Variants in PCDHGB5 observed in about 807,000 individuals in gnomAD.
The protein encoded by PCDHGB5 is protocadherin gamma-B5.
A neutral mutation model predicts 62.9 loss-of-function variants in PCDHGB5; 48 were observed. The ratio of observed to expected loss-of-function variants is 0.76; its 90% CI spans 0.61 to 0.97. PCDHGB5 has a LOEUF of 0.97. Ranked by LOEUF, PCDHGB5 falls within the 50% of genes least tolerant of loss-of-function variation. The pLI, the probability that PCDHGB5 is intolerant of heterozygous loss-of-function variation, is 0.00. For synonymous variants in PCDHGB5, 474 were observed against 511.2 expected (o/e 0.93, Z 0.98); for missense variants, 1,118 against 1,198.6 (o/e 0.93, Z 0.99).
chr5:141,447,481 A>G lies in PCDHGB5; in HGVS notation c.2397+46957A>G, dbSNP rs141192758. 3.9e-3 allele frequency among the ~76,000 whole-genome samples: 591 copies of G among 152,326 alleles called. 6 individuals carry two copies. The highest frequency in any genetic ancestry group is 0.011 in the Admixed American group (170 of 15,286). ...TTTTCTTCACCATCTGTAAAACTGC[A>G]TAGAAGGAATGTTTAGGATAAAAGA... On this transcript the variant is annotated intron_variant, in intron 1 of 3. Transcript: ENST00000617380.
chr5:141,409,751 C>T, intron 1 of PCDHGB5: 1 of 1,613,000 alleles, frequency 6.2e-7, no homozygotes, highest in Non-Finnish European at 8.5e-7. Flanking sequence ...GGTGTTCGCG[C>T]AGCGCGCCTT....
At chr5:141,422,963 C>A (rs372620011) in intron 1 of PCDHGB5, 1 of 1,614,120 alleles carries the variant, frequency 6.2e-7, no homozygotes, top group Non-Finnish European at 8.5e-7. Flanking sequence ...GTGGAGCTGG[C>A]GCCCCGCTCT....
At position 141,486,891 on chromosome 5, in the gene PCDHGB5, G is replaced by C. The variant is rs201201426; in HGVS notation, c.2398-7916G>C. On this transcript the variant is annotated intron_variant, in intron 1 of 3. Transcript: ENST00000617380. This position sits in a 1 kb window ranked among gnomAD's most constrained non-coding sequence, Gnocchi z 5.0. ...GTGCTCCGTCCTCGGGCCCGGCCTGGTTCCTTATGTCCCCAAGCACTGCCT... is the reference window on the plus strand; with the variant it reads ...GTGCTCCGTCCTCGGGCCCGGCCTGCTTCCTTATGTCCCCAAGCACTGCCT... 14 of 1,614,118 alleles carry C rather than the reference G, an allele frequency of 8.7e-6. No homozygotes were observed. The highest frequency in any genetic ancestry group is 3.3e-5 in the Admixed American group (2 of 60,008).
At position 141,399,280 on chromosome 5, in the gene PCDHGB5, G is replaced by A. The variant is rs750453381; in HGVS notation, c.1153G>A (p.Glu385Lys). ...GGAGGTTAATTGTCAATTACAAGGCGAAGTCCCTTTTAAGATTATCTCTTC... is the reference window on the plus strand; with the variant it reads ...GGAGGTTAATTGTCAATTACAAGGCAAAGTCCCTTTTAAGATTATCTCTTC... ...NGEVNCQLQGEVPFKIISSSK... is the reference protein window; with the variant it reads ...NGEVNCQLQGKVPFKIISSSK... Residue 385 changes from glutamate (E) to lysine (K), a missense_variant, in exon 1 of 4, where the codon GAA becomes AAA. Coordinates refer to ENST00000617380, the MANE Select transcript of PCDHGB5 (RefSeq NM_018925.3). 20 of 1,613,836 alleles carry A rather than the reference G, an allele frequency of 1.2e-5. No homozygotes were observed. The highest frequency in any genetic ancestry group is 3.3e-4 in the Middle Eastern group (2 of 6,060).
intron 1 of PCDHGB5, chr5:141,430,861 A>C: frequency 6.3e-7 from 1 of 1,592,834 alleles, no homozygotes; most frequent in Middle Eastern, 1.7e-4. Flanking sequence ...TACGCTATTC[A>C]GTTCCGGAAG....
rs1364415249 is a variant in PCDHGB5 at position 141,489,240 on chromosome 5, C to A, written c.2398-5567C>A. The stretch of plus-strand genomic sequence containing the variant: ...ACTCTCCACAAAGGGACTTCTGGGT[C>A]ATGGGGCCCAAGACACTCCCACAGC... On this transcript the variant is annotated intron_variant, in intron 1 of 3. Coordinates refer to ENST00000617380, the MANE Select transcript of PCDHGB5 (RefSeq NM_018925.3). The surrounding 1 kb of genome is among the most constrained non-coding windows in gnomAD (Gnocchi z 4.5). 1 of 1,534,136 alleles carries A rather than the reference C, an allele frequency of 6.5e-7. No individual in the cohort carries two copies. Among genetic ancestry groups the A allele is most frequent in the South Asian group, 1.3e-5 (1 of 76,896 alleles).
At chr5:141,423,750 TGGGGGGGG>T in intron 1 of PCDHGB5, 1 of 287,524 alleles carries the variant, frequency 3.5e-6, no homozygotes, top group Non-Finnish European at 4.5e-6. Flanking sequence ...GAAAACTGTT[TGGGGGGGG>T]GGTGGGGCGG....
At position 141,424,003 on chromosome 5, in the gene PCDHGB5, T is replaced by C. The variant is rs150506228; in HGVS notation, c.2397+23479T>C. 5.3e-3 allele frequency: 5,614 copies of C among 1,067,752 alleles called. 27 individuals carry two copies. The highest frequency in any genetic ancestry group is 0.01 in the Admixed American group (195 of 19,092). 66.1% of individuals were successfully genotyped at this position (1,067,752 alleles called of 1,614,324 possible). A position where few individuals can be genotyped will look rare whatever the true frequency, so the allele number is the denominator to read the frequency against. ...AGGCTCTCAATTTATTATATATAGA[T>C]ACAAATTAATGATTCACAAACACTT... On this transcript the variant is annotated intron_variant, in intron 1 of 3. Transcript: ENST00000617380.
rs138831045 is a variant in PCDHGB5 at position 141,462,238 on chromosome 5, G to A, written c.2398-32569G>A. Among the ~76,000 whole-genome samples the A allele has an allele frequency of 2.9e-3, 441 of 152,288 alleles. 3 individuals carry two copies. Among genetic ancestry groups the A allele is most frequent in the African/African-American group, 9.9e-3 (412 of 41,566 alleles). On this transcript the variant is annotated intron_variant, in intron 1 of 3. Coordinates refer to ENST00000617380, the MANE Select transcript of PCDHGB5 (RefSeq NM_018925.3). ...GCCTCCCAAAGTGCAGGGATTACAG[G>A]TATGAGCCACCATGACCAGCCTAAA...
rs17097211 is a variant in PCDHGB5 at position 141,423,498 on chromosome 5, G to A, written c.2397+22974G>A. 9.4e-4 allele frequency: 1,510 copies of A among 1,613,948 alleles called. 9 individuals are homozygous for A. In the African/African-American group the frequency reaches 0.016, roughly 17 times the overall value. ...CTTTCCTGCAAACCTATTCCCACGA[G>A]GTCTCTCTCATTGCGGACTCGCAGA... On this transcript the variant is annotated intron_variant, in intron 1 of 3. Transcript: ENST00000617380.
chr5:141,487,196 G>A lies in PCDHGB5; in HGVS notation c.2398-7611G>A. On this transcript the variant is annotated intron_variant, in intron 1 of 3. Coordinates refer to ENST00000617380, the MANE Select transcript of PCDHGB5 (RefSeq NM_018925.3). This position sits in a 1 kb window ranked among gnomAD's most constrained non-coding sequence, Gnocchi z 5.0. Reference sequence around the variant, plus strand: ...GGAAGACACTCATCCAGTTGTCCCAGATCTTCGAGAATCTTCAGCTCCAAG... The same window carrying A: ...GGAAGACACTCATCCAGTTGTCCCAAATCTTCGAGAATCTTCAGCTCCAAG... The A allele has an allele frequency of 1.2e-6, 2 of 1,613,878 alleles. No homozygotes were observed. The highest frequency in any genetic ancestry group is 8.5e-7 in the Non-Finnish European group (1 of 1,179,796).
At chr5:141,414,342 C>A in intron 1 of PCDHGB5, 2 of 1,613,810 alleles carry the variant, frequency 1.2e-6, no homozygotes, top group East Asian at 2.2e-5. Flanking sequence ...TAACCTGTTC[C>A]ATTTTGGCGT....
chr5:141,429,573 T>G (rs1026656206), intron 1 of PCDHGB5, among the ~76,000 whole-genome samples: 3 of 152,206 alleles, frequency 2.0e-5, no homozygotes, highest in Non-Finnish European at 4.4e-5. Context: ...TCAGTTACAT[T>G]TACTTTTGAT....
rs191354649 is a variant in PCDHGB5 at position 141,510,446 on chromosome 5, C to T, written c.2546-501C>T. 8.9e-4 allele frequency among the ~76,000 whole-genome samples: 135 copies of T among 152,154 alleles called. 1 individual carries two copies. Among genetic ancestry groups the T allele is most frequent in the Non-Finnish European group, 1.7e-3 (114 of 68,010 alleles). On this transcript the variant is annotated intron_variant, in intron 3 of 3. Coordinates refer to ENST00000617380, the MANE Select transcript of PCDHGB5 (RefSeq NM_018925.3). ...TTTCATGGCTGCTGCCCTCCAGGAG[C>T]CCATGGTCTAGTGTGGGAGTCAGAG...
At chr5:141,459,938 C>T (rs373341229) in intron 1 of PCDHGB5, among the ~76,000 whole-genome samples, 4 of 152,148 alleles carry the variant, frequency 2.6e-5, no homozygotes, top group African/African-American at 4.8e-5. Context: ...TGTAGCTGGG[C>T]GTGATGGCAG....
chr5:141,408,694 A>T (rs2095152952), intron 1 of PCDHGB5: 1 of 1,613,772 alleles, frequency 6.2e-7, no homozygotes, highest in African/African-American at 1.3e-5. Flanking sequence ...ATATAAACAT[A>T]AACTCAATTA....
In PCDHGB5 at chr5:141,414,961, G is replaced by A. The variant is rs1357376957; in HGVS notation, c.2397+14437G>A. Reference sequence around the variant, plus strand: ...GCCCGGCTACCTGGTGACCAAGGTGGTGGCGGTGGACAGAGACTCCGGCCA... The same window carrying A: ...GCCCGGCTACCTGGTGACCAAGGTGATGGCGGTGGACAGAGACTCCGGCCA... On this transcript the variant is annotated intron_variant, in intron 1 of 3. Transcript: ENST00000617380. 2.5e-6 allele frequency: 4 copies of A among 1,614,028 alleles called. No individual in the cohort carries two copies. In the Admixed American group the frequency reaches 6.7e-5, roughly 27 times the overall value.
At chr5:141,483,955 G>A (rs1244162791) in intron 1 of PCDHGB5, among the ~76,000 whole-genome samples, 1 of 144,218 alleles carries the variant, frequency 6.9e-6, no homozygotes, top group African/African-American at 2.6e-5. Flanking sequence ...ATTGTGTTGT[G>A]TTTCTGTGCT....
intron 1 of PCDHGB5, among the ~76,000 whole-genome samples, chr5:141,447,747 C>A (rs1164160677): frequency 2.0e-5 from 3 of 152,106 alleles, no homozygotes; most frequent in Non-Finnish European, 4.4e-5. Flanking sequence ...AAGAGTCTTG[C>A]ATGTGACTGT....
Sources: allele counts gnomAD v4.1 joint callset (sites outside exome capture counted in the v4.1 genomes callset), GRCh38; gene constraint gnomAD v4.1.1; non-coding constraint Gnocchi (gnomAD v3.1); transcripts MANE v1.5; gene names NCBI Gene and HGNC (gene_info 2026-07-23, HGNC 2026-07-21).